The following KCNH7 variants were observed in gnomAD, a reference collection of about 807,000 sequenced individuals.
KCNH7 encodes the protein potassium voltage-gated channel subfamily H member 7, also known as voltage-gated inwardly rectifying potassium channel KCNH7.
In KCNH7, 49 loss-of-function variants were observed where a neutral mutation model predicts 120.8. The observed-to-expected ratio is 0.41, with a 90% CI of 0.32 to 0.51. The LOEUF (loss-of-function observed/expected upper bound fraction) is 0.51. KCNH7 is among the 20% of genes least tolerant of loss of function. The pLI, the probability that KCNH7 is intolerant of heterozygous loss-of-function variation, is 0.38. For synonymous variants in KCNH7, 547 were observed against 516.1 expected (o/e 1.06, Z -0.81); for missense variants, 1,097 against 1,446.6 (o/e 0.76, Z 3.92).
intron 2 of KCNH7, among the ~76,000 whole-genome samples, chr2:162,749,905 T>G (rs1688480782): frequency 6.6e-6 from 1 of 152,102 alleles, no homozygotes; most frequent in Non-Finnish European, 1.5e-5. Flanking sequence ...TAAAATGAAA[T>G]AAATTCTATA....
chr2:162,376,099 C>G (rs1292372418), intron 14 of KCNH7, among the ~76,000 whole-genome samples: 2 of 151,822 alleles, frequency 1.3e-5, no homozygotes, highest in Non-Finnish European at 2.9e-5. Context: ...ACTCAGAGAC[C>G]CACAATGTAG....
At chr2:162,722,813 CTT>C (rs894023630) in intron 2 of KCNH7, among the ~76,000 whole-genome samples, 7 of 85,098 alleles carry the variant, frequency 8.2e-5, no homozygotes, top group Non-Finnish European at 1.5e-4. Context: ...TTCTTTTTTT[CTT>C]TTTTTTTTTT....
In KCNH7 at chr2:162,435,992, A is replaced by G. The variant is rs894661446; in HGVS notation, c.1555-395T>C. On this transcript the variant is annotated intron_variant, in intron 7 of 15. Transcript: ENST00000332142. ...AGACATGGTTACTTTCCTAATAGAG[A>G]CAGCTATTTAACAGACAAAGTGTCT... 2.0e-5 allele frequency among the ~76,000 whole-genome samples: 3 copies of G among 152,126 alleles called. No individual in the cohort carries two copies. The South Asian group carries it at 6.2e-4, about 31-fold the overall frequency.
At chr2:162,493,807 G>A (rs1690406126) in intron 6 of KCNH7, among the ~76,000 whole-genome samples, 1 of 152,146 alleles carries the variant, frequency 6.6e-6, no homozygotes, top group Non-Finnish European at 1.5e-5. Flanking sequence ...GAAGGCATGA[G>A]AATGTAAATT....
At chr2:162,512,763 A>G in intron 4 of KCNH7, 89 bp from the exon 5 acceptor site, 1 of 952,438 alleles carries the variant, frequency 1.0e-6, no homozygotes, top group East Asian at 2.7e-5. Flanking sequence ...GTATAAAAAC[A>G]ATCAGAGAAA....
chr2:162,793,316 G>A (rs1404953306), intron 2 of KCNH7, among the ~76,000 whole-genome samples: 2 of 151,932 alleles, frequency 1.3e-5, no homozygotes. Flanking sequence ...TGTAGGAGGA[G>A]GGAGGGGATC....
At chr2:162,406,244 C>A (rs1217724572) in intron 9 of KCNH7, among the ~76,000 whole-genome samples, 1 of 151,792 alleles carries the variant, frequency 6.6e-6, no homozygotes. Flanking sequence ...CAGGCTCCTT[C>A]CGTAGGATTG....
chr2:162,375,387 T>C (rs1393557026), intron 14 of KCNH7, among the ~76,000 whole-genome samples: 1 of 152,194 alleles, frequency 6.6e-6, no homozygotes. Context: ...TAAAATCTCT[T>C]TATCATGGAT....
chr2:162,648,333 C>T (rs927733557), intron 2 of KCNH7, among the ~76,000 whole-genome samples: 1 of 152,106 alleles, frequency 6.6e-6, no homozygotes, highest in Non-Finnish European at 1.5e-5. Context: ...ACCAGATCTC[C>T]TGAGAAGTAA....
chr2:162,711,729 A>G (rs1574294584), intron 2 of KCNH7, among the ~76,000 whole-genome samples: 1 of 152,280 alleles, frequency 6.6e-6, no homozygotes, highest in African/African-American at 2.4e-5. Context: ...TAAGTTCTGA[A>G]TGCTTCACAC....
intron 13 of KCNH7, among the ~76,000 whole-genome samples, chr2:162,382,495 T>C (rs1686447389): frequency 6.6e-6 from 1 of 152,114 alleles, no homozygotes; most frequent in African/African-American, 2.4e-5. Context: ...TGGAAATGTA[T>C]GAACAGAAAG....
rs145604241 is a variant in KCNH7 at position 162,685,650 on chromosome 2, T to C, written c.308-148570A>G. On this transcript the variant is annotated intron_variant, in intron 2 of 15. Coordinates refer to ENST00000332142, the MANE Select transcript of KCNH7 (RefSeq NM_033272.4). ...TGAAGCAAAGGAACACACAAGTGAA[T>C]GGATATATTACGTTTTACAGCAGTG... 8.6e-5 allele frequency among the ~76,000 whole-genome samples: 13 copies of C among 151,792 alleles called. No individual in the cohort carries two copies. The East Asian group carries it at 2.5e-3, about 30-fold the overall frequency.
intron 5 of KCNH7, among the ~76,000 whole-genome samples, chr2:162,505,939 A>C (rs1009250634): frequency 2.0e-5 from 3 of 151,908 alleles, no homozygotes; most frequent in African/African-American, 7.2e-5. Flanking sequence ...ATATAATACT[A>C]AGAAATCAAT....
At chr2:162,752,902 G>A (rs1164352261) in intron 2 of KCNH7, among the ~76,000 whole-genome samples, 61 of 61,268 alleles carry the variant, frequency 1.0e-3, no homozygotes, top group Middle Eastern at 6.2e-3. Flanking sequence ...CTACATCTCA[G>A]AAAAAGAAAA....
At position 162,602,293 on chromosome 2, in the gene KCNH7, G is replaced by A. The variant is rs182987559; in HGVS notation, c.308-65213C>T. On this transcript the variant is annotated intron_variant, in intron 2 of 15. Transcript: ENST00000332142. ...GCTTCAGGGCCTAGATGAACTGGAA[G>A]GTTGTTTAACAAGTTCATCCAAGAA... Among the ~76,000 whole-genome samples the A allele has an allele frequency of 1.4e-3, 210 of 152,090 alleles. 2 individuals carry two copies. The highest frequency in any genetic ancestry group is 1.2e-4 in the Non-Finnish European group (8 of 67,974).
rs1225226353 is a variant in KCNH7 at position 162,836,478 on chromosome 2, A to C, written c.307+59T>G. ...GCTTCTTTGCATATGAACTTTTAAT[A>C]GTCAAAATTTCTTTTCAATGGGATC... On this transcript the variant is annotated intron_variant, in intron 2 of 15. Coordinates refer to ENST00000332142, the MANE Select transcript of KCNH7 (RefSeq NM_033272.4). The C allele has an allele frequency of 2.2e-6, 3 of 1,341,152 alleles. No individual in the cohort carries two copies. The Admixed American group carries it at 5.7e-5, about 25-fold the overall frequency. The allele number at this position is 1,341,152 out of a possible 1,614,324, so 83.1% of individuals were successfully genotyped here. A position where few individuals can be genotyped will look rare whatever the true frequency, so the allele number is the denominator to read the frequency against.
chr2:162,703,412 T>C (rs1686584105), intron 2 of KCNH7, among the ~76,000 whole-genome samples: 1 of 152,158 alleles, frequency 6.6e-6, no homozygotes, highest in South Asian at 2.1e-4. Context: ...TTTAATTTTA[T>C]TTCCTCAAAG....
At chr2:162,553,551 A>G (rs1342612514) in intron 2 of KCNH7, among the ~76,000 whole-genome samples, 1 of 152,126 alleles carries the variant, frequency 6.6e-6, no homozygotes, top group Non-Finnish European at 1.5e-5. Flanking sequence ...CGGGAGGCTG[A>G]GGCAGGAAAA....
At chr2:162,576,198 T>A (rs1183114857) in intron 2 of KCNH7, among the ~76,000 whole-genome samples, 10 of 152,122 alleles carry the variant, frequency 6.6e-5, no homozygotes. Context: ...CTAACTGTGA[T>A]TTTACTAACA....
Sources: allele counts gnomAD v4.1 joint callset (sites outside exome capture counted in the v4.1 genomes callset), GRCh38; gene constraint gnomAD v4.1.1; transcripts MANE v1.5; gene names NCBI Gene and HGNC (gene_info 2026-07-23, HGNC 2026-07-21).